Variants in IL17REL observed in about 807,000 individuals in gnomAD.
IL17REL encodes interleukin-17 receptor E-like protein.
A neutral mutation model predicts 49.0 loss-of-function variants in IL17REL; 36 were observed. The ratio of observed to expected loss-of-function variants is 0.73; its 90% CI spans 0.56 to 0.97. The LOEUF is 0.97. Among genes scored for constraint, IL17REL ranks in the 50% least tolerant of loss-of-function variants. The probability of loss-of-function intolerance (pLI) is 0.00; values close to 1 mark genes in which losing one functional copy is unlikely to be tolerated. For synonymous variants in IL17REL, 206 were observed against 192.4 expected (o/e 1.07, Z -0.58); for missense variants, 470 against 453.9 (o/e 1.04, Z -0.32).
exon 13 of IL17REL, chr22:49,996,052 G>T (rs182180930): frequency 6.5e-6 from 1 of 152,756 alleles, no homozygotes; most frequent in Non-Finnish European, 1.5e-5. Flanking sequence ...GGAGAAGGGG[G>T]AGCTGAAGGT....
chr22:49,992,026 C>T (rs6010242), downstream of IL17REL, among the ~76,000 whole-genome samples: 3,210 of 152,278 alleles, frequency 0.021, 115 homozygotes, highest in African/African-American at 0.073. Context: ...TTCTGGGTCA[C>T]AGATAAGAGA....
exon 2 of IL17REL, chr22:50,001,139 C>T (rs2061077766): frequency 6.2e-7 from 1 of 1,607,204 alleles, no homozygotes. Flanking sequence ...TCAGAGGGGA[C>T]ACACTGCATG....
chr22:49,999,958 A>C, exon 5 of IL17REL: 1 of 1,512,632 alleles, frequency 6.6e-7, no homozygotes, highest in South Asian at 1.2e-5. Context: ...CCAGTAGCTG[A>C]GCTTCCCCGC....
exon 10 of IL17REL, chr22:49,997,729 C>A (rs775267383): frequency 6.2e-7 from 1 of 1,613,960 alleles, no homozygotes; most frequent in Admixed American, 1.7e-5. Context: ...CCAGGACCCC[C>A]AACTGGTAGA....
chr22:50,004,969 G>GAA (rs2061100935), intron 1 of IL17REL, among the ~76,000 whole-genome samples: 1 of 65,254 alleles, frequency 1.5e-5, no homozygotes, highest in Non-Finnish European at 2.9e-5. Flanking sequence ...AAACCAGAAA[G>GAA]TAAAAAAAAA....
At chr22:50,000,922 C>G (rs1037075718) in intron 2 of IL17REL, 59 bp from the exon 4 acceptor site, 1 of 1,376,000 alleles carries the variant, frequency 7.3e-7, no homozygotes, top group Non-Finnish European at 9.8e-7. Flanking sequence ...TGGCTCCGGA[C>G]GGGGCCGTGG....
chr22:50,007,298 A>G (rs555969951), intron 1 of IL17REL, among the ~76,000 whole-genome samples: 1 of 152,222 alleles, frequency 6.6e-6, no homozygotes, highest in East Asian at 1.9e-4. Context: ...GCTGCAGAAT[A>G]TGTGATCATC....
exon 7 of IL17REL, chr22:49,999,324 C>A (rs747789553): frequency 4.4e-5 from 71 of 1,612,874 alleles, no homozygotes; most frequent in Non-Finnish European, 6.0e-5. Context: ...ATCCGCACCG[C>A]GTCAGGGGTC....
chr22:49,997,871 T>C, intron 9 of IL17REL, 129 bp from the exon 12 acceptor site: 1 of 1,370,672 alleles, frequency 7.3e-7, no homozygotes, highest in Non-Finnish European at 1.0e-6. Context: ...CCTTAGGCCC[T>C]TAGCTCACCC....
intron 1 of IL17REL, among the ~76,000 whole-genome samples, 192 bp from the exon 3 acceptor site, chr22:50,001,423 A>G (rs1421675139): frequency 6.6e-6 from 1 of 152,130 alleles, no homozygotes; most frequent in Non-Finnish European, 1.5e-5. Context: ...ACACACTCCA[A>G]AATGTCTGTG....
chr22:50,002,883 C>T (rs2061087052), intron 1 of IL17REL, among the ~76,000 whole-genome samples: 1 of 152,184 alleles, frequency 6.6e-6, no homozygotes, highest in Non-Finnish European at 1.5e-5. Flanking sequence ...GCTGGGAAAC[C>T]AAGGCAAAAT....
chr22:50,011,294 C>T (rs2061140140), upstream of IL17REL, among the ~76,000 whole-genome samples: 2 of 151,416 alleles, frequency 1.3e-5, no homozygotes, highest in African/African-American at 4.9e-5. Flanking sequence ...TCAGCCCCTG[C>T]CCTTGCCCCT....
At chr22:49,996,685 A>C in exon 13 of IL17REL, 1 of 274,900 alleles carries the variant, frequency 3.6e-6, no homozygotes, top group Non-Finnish European at 6.8e-6. Context: ...TCAGGGCCGG[A>C]TGGTCTCCCC....
intron 7 of IL17REL, 98 bp downstream of exon 9, chr22:49,999,193 G>C (rs886841030): frequency 2.8e-6 from 4 of 1,428,830 alleles, no homozygotes; most frequent in Non-Finnish European, 4.0e-6. Context: ...GGCTGGGCCT[G>C]CTCCTTATCT....
At position 49,996,864 on chromosome 22, in the gene IL17REL, C is replaced by T; in HGVS notation, c.*45-4G>A. ...AGTGTACATCGGTCCTCCAGCCCTG[C>T]AGGCATAAGGCAGCTCCGTCAACAT... On this transcript the variant is annotated splice_region_variant and splice_polypyrimidine_tract_variant and intron_variant, in intron 12 of 12. Transcript: ENST00000341280. 1 of 589,278 alleles carries T rather than the reference C, an allele frequency of 1.7e-6. No homozygotes were observed. The highest frequency in any genetic ancestry group is 3.0e-5 in the East Asian group (1 of 33,414). The allele number at this position is 589,278 out of a possible 1,614,324, so 36.5% of individuals were successfully genotyped here.
chr22:49,998,827 G>A (rs186034048), intron 7 of IL17REL, among the ~76,000 whole-genome samples: 15 of 152,050 alleles, frequency 9.9e-5, no homozygotes, highest in Non-Finnish European at 1.5e-4. Flanking sequence ...GTGGGTGTGC[G>A]TGTGCATGTG....
At chr22:49,997,569 C>T (rs1601884846) in intron 10 of IL17REL, 86 bp from the exon 13 acceptor site, 3 of 1,380,172 alleles carry the variant, frequency 2.2e-6, no homozygotes, top group South Asian at 2.4e-5. Context: ...CGCCTGCCCA[C>T]TGTACCTCCC....
intron 1 of IL17REL, among the ~76,000 whole-genome samples, chr22:50,004,388 T>G (rs2061096819): frequency 6.6e-6 from 1 of 152,086 alleles, no homozygotes; most frequent in African/African-American, 2.4e-5. Flanking sequence ...AATTGAAAAT[T>G]TAAAAATAAA....
chr22:50,000,924 G>C (rs1257631104), intron 2 of IL17REL, 61 bp from the exon 4 acceptor site: 1 of 1,371,198 alleles, frequency 7.3e-7, no homozygotes, highest in Admixed American at 2.5e-5. Flanking sequence ...GCTCCGGACG[G>C]GGCCGTGGGA....
Sources: allele counts gnomAD v4.1 joint callset (sites outside exome capture counted in the v4.1 genomes callset), GRCh38; gene constraint gnomAD v4.1.1; transcripts MANE v1.5; gene names NCBI Gene and HGNC (gene_info 2026-07-23, HGNC 2026-07-21).